TYW1: variants seen among roughly 807,000 people sequenced by gnomAD.
TYW1 encodes the protein tRNA-yW synthesizing protein 1 homolog, also known as S-adenosyl-L-methionine-dependent tRNA 4-demethylwyosine synthase TYW1.
Under a neutral mutation model 96.2 loss-of-function variants are expected in TYW1, and 46 were observed. That is an observed-to-expected ratio of 0.48 (90% CI 0.38 to 0.61). The LOEUF (loss-of-function observed/expected upper bound fraction) is 0.61. Among genes scored for constraint, TYW1 ranks in the 20% least tolerant of loss-of-function variants. The pLI is 0.00. For missense variants in TYW1, 684 were observed against 909.6 expected (o/e 0.75, Z 3.19); for synonymous variants, 274 against 323.0 (o/e 0.85, Z 1.63).
chr7:66,998,586 G>A (rs1428387279), intron 2 of TYW1, among the ~76,000 whole-genome samples: 3 of 152,090 alleles, frequency 2.0e-5, no homozygotes, highest in Non-Finnish European at 4.4e-5. Context: ...TTTTTTCTTG[G>A]AGGGAAAGGA....
At chr7:67,032,218 A>AT (rs902120858) in intron 7 of TYW1, among the ~76,000 whole-genome samples, 14 of 151,842 alleles carry the variant, frequency 9.2e-5, no homozygotes, top group Admixed American at 7.9e-4. Flanking sequence ...TTTTTATTTT[A>AT]TTTTTTTTGG....
chr7:67,084,525 CT>C (rs11445938), intron 11 of TYW1, among the ~76,000 whole-genome samples: 179 of 145,404 alleles, frequency 1.2e-3, no homozygotes, highest in Middle Eastern at 7.1e-3. Context: ...TTTCTTTCTT[CT>C]TTTTTTTTTT....
At chr7:67,166,624 A>G (rs919053065) in intron 13 of TYW1, among the ~76,000 whole-genome samples, 2 of 151,944 alleles carry the variant, frequency 1.3e-5, no homozygotes, top group African/African-American at 4.8e-5. Flanking sequence ...AATCCTAACA[A>G]TTTAAATTCT....
intron 6 of TYW1, among the ~76,000 whole-genome samples, chr7:67,023,160 G>C (rs1271416607): frequency 6.6e-6 from 1 of 151,900 alleles, no homozygotes; most frequent in Non-Finnish European, 1.5e-5. Flanking sequence ...GCAGGGTCAC[G>C]ATCTCGGCTC....
chr7:67,112,381 C>A lies in TYW1; in HGVS notation c.1563-5102C>A, dbSNP rs151189091. 2.0e-4 allele frequency among the ~76,000 whole-genome samples: 30 copies of A among 152,022 alleles called. No homozygotes were observed. In the East Asian group the frequency reaches 5.8e-3, roughly 30 times the overall value. The stretch of plus-strand genomic sequence containing the variant: ...CTGTAATCCCAGTACTTTCGGAGGC[C>A]GAGGCAGGCAGATCACCTGAGGCCA... On this transcript the variant is annotated intron_variant, in intron 12 of 15. Coordinates refer to ENST00000359626, the MANE Select transcript of TYW1 (RefSeq NM_018264.4).
intron 10 of TYW1, among the ~76,000 whole-genome samples, chr7:67,081,089 C>T (rs1169963827): frequency 6.6e-6 from 1 of 151,200 alleles, no homozygotes; most frequent in Non-Finnish European, 1.5e-5. Context: ...TATTCTTTCA[C>T]TTCCTGATAT....
At chr7:67,108,371 G>A (rs1797301464) in intron 12 of TYW1, among the ~76,000 whole-genome samples, 1 of 151,832 alleles carries the variant, frequency 6.6e-6, no homozygotes, top group South Asian at 2.1e-4. Flanking sequence ...TTTGAACAAT[G>A]GAATTAACAA....
chr7:67,217,877 A>G (rs1801253137), intron 15 of TYW1, among the ~76,000 whole-genome samples: 2 of 87,454 alleles, frequency 2.3e-5, no homozygotes, highest in Admixed American at 1.5e-4. Context: ...TTTTTTTGAG[A>G]CAGAGTTTTT....
At chr7:67,018,510 C>T (rs1458918498) in intron 6 of TYW1, among the ~76,000 whole-genome samples, 1 of 151,936 alleles carries the variant, frequency 6.6e-6, no homozygotes, top group Non-Finnish European at 1.5e-5. Context: ...CACTGCCCTC[C>T]AGCCTGGGCA....
At chr7:67,195,788 T>C (rs1800373999) in intron 15 of TYW1, among the ~76,000 whole-genome samples, 2 of 137,664 alleles carry the variant, frequency 1.5e-5, no homozygotes, top group South Asian at 4.6e-4. Flanking sequence ...TTTATAACAC[T>C]ATTTCCATTT....
intron 3 of TYW1, among the ~76,000 whole-genome samples, chr7:67,002,452 A>G (rs567015711): frequency 1.5e-4 from 23 of 152,280 alleles, no homozygotes; most frequent in African/African-American, 5.3e-4. Context: ...GAAGACTATT[A>G]AAAACTTTTG....
intron 9 of TYW1, among the ~76,000 whole-genome samples, chr7:67,064,171 A>G (rs575254946): frequency 1.8e-4 from 28 of 152,376 alleles, no homozygotes; most frequent in Admixed American, 1.3e-3. Context: ...AAAAATACCA[A>G]TAAGATTTTT....
At chr7:67,018,977 A>AC (rs1562968180) in intron 6 of TYW1, among the ~76,000 whole-genome samples, 8 of 100,418 alleles carry the variant, frequency 8.0e-5, no homozygotes, top group East Asian at 2.3e-4. Context: ...AAAAAAAGAA[A>AC]AAAACAAAAT....
chr7:67,084,026 A>G (rs943852401), intron 11 of TYW1, among the ~76,000 whole-genome samples: 1 of 152,102 alleles, frequency 6.6e-6, no homozygotes, highest in African/African-American at 2.4e-5. Context: ...AAAGAGCGAA[A>G]CTCCATCTCA....
intron 14 of TYW1, among the ~76,000 whole-genome samples, chr7:67,187,416 T>A (rs993783888): frequency 6.6e-6 from 1 of 152,178 alleles, no homozygotes; most frequent in Non-Finnish European, 1.5e-5. Context: ...CAGTTCATGT[T>A]ACATCAGAGG....
chr7:67,184,591 CATTTTATTTT>C (rs202120294), intron 14 of TYW1, among the ~76,000 whole-genome samples: 1,656 of 83,998 alleles, frequency 0.02, 283 homozygotes, highest in Non-Finnish European at 0.026. Flanking sequence ...TCTGAGATGA[CATTTTATTTT>C]ATTTTATTTT....
chr7:67,072,807 A>G (rs1241688413), intron 10 of TYW1, among the ~76,000 whole-genome samples: 1 of 151,996 alleles, frequency 6.6e-6, no homozygotes, highest in African/African-American at 2.4e-5. Flanking sequence ...AAGCCCTGTC[A>G]CCTAGGCTGG....
chr7:67,081,256 A>G (rs7782407), intron 10 of TYW1, among the ~76,000 whole-genome samples: 34,380 of 137,738 alleles, frequency 0.25, 4,492 homozygotes, highest in African/African-American at 0.32. Flanking sequence ...CTTAGAATAT[A>G]TCATCCCATT....
At chr7:67,105,729 A>G (rs1416148572) in intron 12 of TYW1, among the ~76,000 whole-genome samples, 5 of 152,170 alleles carry the variant, frequency 3.3e-5, no homozygotes, top group Non-Finnish European at 1.5e-5. Context: ...ACCATTCCTA[A>G]AAAAGTGAAA....
Sources: gnomAD v4.1 joint callset for allele counts (sites outside exome capture counted in the v4.1 genomes callset) on GRCh38, gnomAD v4.1.1 for gene constraint, MANE v1.5 for transcripts, NCBI Gene and HGNC (gene_info 2026-07-23, HGNC 2026-07-21) for gene names.